SNTG2: variants seen among roughly 807,000 people sequenced by gnomAD.
SNTG2 encodes the protein syntrophin gamma 2.
Under a neutral mutation model 70.9 loss-of-function variants are expected in SNTG2, and 74 were observed. The observed-to-expected ratio is 1.04, with a 90% CI of 0.86 to 1.27. SNTG2 has a LOEUF of 1.27. SNTG2 is among the 50% of genes most tolerant of loss of function. SNTG2 has a pLI of 0.00. For synonymous variants in SNTG2, 278 were observed against 273.8 expected (o/e 1.02, Z -0.15); for missense variants, 717 against 690.7 (o/e 1.04, Z -0.43).
intron 4 of SNTG2, among the ~76,000 whole-genome samples, chr2:1,119,730 G>A (rs919698658): frequency 3.3e-5 from 5 of 151,862 alleles, no homozygotes; most frequent in Non-Finnish European, 7.4e-5. Context: ...AAATTATCAC[G>A]TTACAAAGGC....
At chr2:1,126,093 C>T (rs907134208) in intron 4 of SNTG2, among the ~76,000 whole-genome samples, 1 of 152,066 alleles carries the variant, frequency 6.6e-6, no homozygotes, top group African/African-American at 2.4e-5. Flanking sequence ...TAGAAGTATT[C>T]CTCCTATCTA....
chr2:1,351,385 C>T (rs1294483596), intron 16 of SNTG2, among the ~76,000 whole-genome samples: 1 of 152,028 alleles, frequency 6.6e-6, no homozygotes, highest in African/African-American at 2.4e-5. Flanking sequence ...GATATAATTC[C>T]ATTATTTGCT....
chr2:1,307,312 T>TTGTG (rs142934963), intron 14 of SNTG2, among the ~76,000 whole-genome samples: 63 of 139,954 alleles, frequency 4.5e-4, no homozygotes, highest in African/African-American at 1.4e-3. Context: ...CAGCCCTGCA[T>TTGTG]TGTGTGTGTG....
At chr2:1,239,189 A>G (rs1394153192) in intron 10 of SNTG2, among the ~76,000 whole-genome samples, 1 of 152,224 alleles carries the variant, frequency 6.6e-6, no homozygotes, top group East Asian at 1.9e-4. Flanking sequence ...ATCAGCCCTC[A>G]TAGGCAGGGC....
At chr2:1,329,593 G>GA (rs1659406087) in intron 16 of SNTG2, among the ~76,000 whole-genome samples, 2 of 152,200 alleles carry the variant, frequency 1.3e-5, no homozygotes, top group South Asian at 4.1e-4. Flanking sequence ...GAACAGCCAG[G>GA]AAAACAGGAA....
chr2:1,099,871 G>C (rs1277472910), intron 4 of SNTG2, among the ~76,000 whole-genome samples: 2 of 152,182 alleles, frequency 1.3e-5, no homozygotes, highest in Non-Finnish European at 2.9e-5. Context: ...TCGGCAGAAG[G>C]ACATTTAAGA....
At chr2:1,151,374 T>C (rs985391926) in intron 6 of SNTG2, among the ~76,000 whole-genome samples, 1 of 62,854 alleles carries the variant, frequency 1.6e-5, no homozygotes, top group South Asian at 5.1e-4. Flanking sequence ...GGTTTGTTGG[T>C]GGTGCTTTGT....
chr2:1,136,696 T>C (rs1668408806), intron 4 of SNTG2, among the ~76,000 whole-genome samples: 1 of 152,184 alleles, frequency 6.6e-6, no homozygotes, highest in African/African-American at 2.4e-5. Context: ...AACAAACCTA[T>C]GTGAAGGCAA....
At chr2:1,065,038 A>G (rs1027733080) in intron 1 of SNTG2, among the ~76,000 whole-genome samples, 2 of 152,198 alleles carry the variant, frequency 1.3e-5, no homozygotes, top group African/African-American at 2.4e-5. Context: ...ATTTTATGAG[A>G]AAAGTGTGAA....
In SNTG2 at chr2:1,160,340, G is replaced by A. The variant is rs539718617; in HGVS notation, c.412-5208G>A. 20 of 152,238 alleles carry A rather than the reference G, an allele frequency of 1.3e-4. No individual in the cohort carries two copies. The South Asian group carries it at 2.3e-3, about 17-fold the overall frequency. The allele number at this position is 152,238 out of a possible 1,614,324, so 9.4% of individuals were successfully genotyped here. ...TCTGAGGTGTCAAACTAGGGATCTC[G>A]TAGGTATAAAAATCAGACTCTTTGA... On this transcript the variant is annotated intron_variant, in intron 6 of 16. Transcript: ENST00000308624.
At chr2:1,331,473 C>T (rs1165118875) in intron 16 of SNTG2, among the ~76,000 whole-genome samples, 1 of 152,180 alleles carries the variant, frequency 6.6e-6, no homozygotes, top group Non-Finnish European at 1.5e-5. Context: ...TAGGAAATAA[C>T]TTCTGGGAAT....
chr2:1,320,350 C>T (rs1245005391), intron 16 of SNTG2, among the ~76,000 whole-genome samples: 1 of 151,826 alleles, frequency 6.6e-6, no homozygotes, highest in Non-Finnish European at 1.5e-5. Context: ...CTGGCTGACA[C>T]AGTGAAACCA....
chr2:1,043,149 G>C (rs1284765711), intron 1 of SNTG2, among the ~76,000 whole-genome samples: 1 of 152,102 alleles, frequency 6.6e-6, no homozygotes, highest in African/African-American at 2.4e-5. Flanking sequence ...TCATATGCTT[G>C]TTGGCCACAT....
At chr2:1,324,222 G>A (rs73179444) in intron 16 of SNTG2, among the ~76,000 whole-genome samples, 3,904 of 152,250 alleles carry the variant, frequency 0.026, 100 homozygotes, top group African/African-American at 0.067. Flanking sequence ...TGGTGTTAGC[G>A]CCCAGTAGCT....
At chr2:1,124,981 C>G (rs1360108274) in intron 4 of SNTG2, among the ~76,000 whole-genome samples, 4 of 152,106 alleles carry the variant, frequency 2.6e-5, no homozygotes, top group Admixed American at 1.3e-4. Context: ...TATGGGTAAT[C>G]AGGTGAGATG....
chr2:1,211,660 A>G (rs929907777), intron 9 of SNTG2, among the ~76,000 whole-genome samples: 1 of 152,102 alleles, frequency 6.6e-6, no homozygotes, highest in Admixed American at 6.5e-5. Context: ...GTGCAGGGAA[A>G]CTGCCCTTTA....
At chr2:1,263,814 G>T (rs1045642441) in intron 13 of SNTG2, among the ~76,000 whole-genome samples, 4 of 152,224 alleles carry the variant, frequency 2.6e-5, no homozygotes, top group African/African-American at 9.6e-5. Flanking sequence ...CCATTTCACA[G>T]CTCAAAAGTG....
At chr2:1,053,692 T>C (rs564851820) in intron 1 of SNTG2, among the ~76,000 whole-genome samples, 1 of 152,362 alleles carries the variant, frequency 6.6e-6, no homozygotes, top group East Asian at 1.9e-4. Context: ...ATTTGTGTGA[T>C]GCAGTTAGGC....
At chr2:1,021,116 C>A (rs1016542090) in intron 1 of SNTG2, among the ~76,000 whole-genome samples, 1 of 152,146 alleles carries the variant, frequency 6.6e-6, no homozygotes, top group Non-Finnish European at 1.5e-5. Flanking sequence ...GTGTTTTGAT[C>A]TCTTCCAGTG....
Sources: allele counts gnomAD v4.1 joint callset (sites outside exome capture counted in the v4.1 genomes callset), GRCh38; gene constraint gnomAD v4.1.1; transcripts MANE v1.5; gene names NCBI Gene and HGNC (gene_info 2026-07-23, HGNC 2026-07-21).